GLIPR1L2: variants seen among roughly 807,000 people sequenced by gnomAD.
GLIPR1L2 encodes the protein GLIPR1-like protein 2.
GLIPR1L2 carries 21 observed loss-of-function variants against 28.4 expected under a neutral mutation model. The ratio of observed to expected loss-of-function variants is 0.74; its 90% CI spans 0.52 to 1.06. The LOEUF (loss-of-function observed/expected upper bound fraction) is 1.06, where lower values mean the gene tolerates loss of function less well. GLIPR1L2 is among the 50% of genes least tolerant of loss of function. GLIPR1L2 has a pLI of 0.00. For synonymous variants in GLIPR1L2, 145 were observed against 139.3 expected (o/e 1.04, Z -0.29); for missense variants, 476 against 416.9 (o/e 1.14, Z -1.23).
intron 4 of GLIPR1L2, among the ~76,000 whole-genome samples, chr12:75,427,914 A>C (rs982573592): frequency 1.3e-5 from 2 of 152,204 alleles, no homozygotes; most frequent in African/African-American, 4.8e-5. Context: ...TGAGTCAATT[A>C]AACCTCCTTT....
intron 4 of GLIPR1L2, among the ~76,000 whole-genome samples, chr12:75,429,039 G>A (rs1298429181): frequency 6.6e-6 from 1 of 152,210 alleles, no homozygotes; most frequent in Non-Finnish European, 1.5e-5. Flanking sequence ...TGTGGAGTGG[G>A]GGCCACCACA....
intron 1 of GLIPR1L2, among the ~76,000 whole-genome samples, chr12:75,398,838 G>A (rs2045710241): frequency 6.6e-6 from 1 of 151,998 alleles, no homozygotes; most frequent in African/African-American, 2.4e-5. Flanking sequence ...AGTTTGATAT[G>A]AATCATTCTA....
chr12:75,401,256 C>A, intron 1 of GLIPR1L2, among the ~76,000 whole-genome samples: 1 of 149,520 alleles, frequency 6.7e-6, no homozygotes. Context: ...AAATATATAC[C>A]TGAAATGATT....
At chr12:75,419,508 T>G (rs1268670667) in intron 3 of GLIPR1L2, among the ~76,000 whole-genome samples, 1 of 152,200 alleles carries the variant, frequency 6.6e-6, no homozygotes, top group Non-Finnish European at 1.5e-5. Flanking sequence ...AGGTACCAAC[T>G]TCTGAGAAAA....
intron 3 of GLIPR1L2, among the ~76,000 whole-genome samples, chr12:75,419,666 T>C (rs2045957551): frequency 6.6e-6 from 1 of 152,228 alleles, no homozygotes; most frequent in South Asian, 2.1e-4. Flanking sequence ...TTTAACTGTT[T>C]AACTGTTTTA....
At chr12:75,414,852 G>T (rs148869107) in intron 3 of GLIPR1L2, among the ~76,000 whole-genome samples, 8 of 151,970 alleles carry the variant, frequency 5.3e-5, no homozygotes, top group Non-Finnish European at 1.2e-4. Flanking sequence ...CTAACAAGAC[G>T]CAAAAAGACA....
In GLIPR1L2 at chr12:75,422,903, G is replaced by A; in HGVS notation, c.585-1G>A. The A allele has an allele frequency of 1.3e-6, 2 of 1,599,724 alleles. No individual in the cohort carries two copies. The highest frequency in any genetic ancestry group is 1.4e-5 in the African/African-American group (1 of 73,930). On this transcript the variant is annotated splice_acceptor_variant, in intron 3 of 5. Transcript: ENST00000550916. LOFTEE classifies it high-confidence loss of function. Reference sequence around the variant, plus strand: ...AATGTTTTCTGCTTTTTTGTTTGTAGAGGAACACTGACGAGAAGACCTTAT... The same window carrying A: ...AATGTTTTCTGCTTTTTTGTTTGTAAAGGAACACTGACGAGAAGACCTTAT...
chr12:75,398,605 C>G (rs2045707460), intron 1 of GLIPR1L2, among the ~76,000 whole-genome samples: 1 of 152,074 alleles, frequency 6.6e-6, no homozygotes, highest in African/African-American at 2.4e-5. Flanking sequence ...TAATTCTAAC[C>G]TGACATGGTA....
At chr12:75,421,968 A>G (rs1372105465) in intron 3 of GLIPR1L2, among the ~76,000 whole-genome samples, 9 of 141,268 alleles carry the variant, frequency 6.4e-5, no homozygotes, top group African/African-American at 2.6e-5. Flanking sequence ...ATTCTATATC[A>G]TTTATTTTTA....
At chr12:75,428,768 C>T (rs1313484180) in intron 4 of GLIPR1L2, among the ~76,000 whole-genome samples, 2 of 152,220 alleles carry the variant, frequency 1.3e-5, no homozygotes, top group African/African-American at 4.8e-5. Flanking sequence ...CCAGCCATTC[C>T]AGCTTAAGCT....
intron 1 of GLIPR1L2, among the ~76,000 whole-genome samples, chr12:75,391,916 G>C (rs141027127): frequency 6.6e-6 from 1 of 150,476 alleles, no homozygotes; most frequent in South Asian, 2.1e-4. Context: ...TGGCTCCTAA[G>C]GAAGTGTCTC....
In GLIPR1L2 at chr12:75,430,832, T is replaced by A. The variant is rs2046084288; in HGVS notation, c.706T>A (p.Phe236Ile). ...ADRDQATYYR[F>I]WYPKWEMPRP... ...TGCTTCTTTGTTTACAGATTACCGA[T>A]TTTGGTATCCAAAATGGGAAATGCC... Residue 236 changes from phenylalanine (F) to isoleucine (I), a missense_variant, in exon 6 of 6, where the codon TTT (phenylalanine) becomes ATT (isoleucine). Physicochemically the swap from Phe to Ile is conservative, Grantham distance 21 (BLOSUM62 0). Transcript: ENST00000550916. The A allele has an allele frequency of 6.5e-7, 1 of 1,533,148 alleles. No individual in the cohort carries two copies. The highest frequency in any genetic ancestry group is 8.7e-7 in the Non-Finnish European group (1 of 1,145,116). The allele number at this position is 1,533,148 out of a possible 1,614,324, so 95.0% of individuals were successfully genotyped here. A position where few individuals can be genotyped will look rare whatever the true frequency, so the allele number is the denominator to read the frequency against.
intron 4 of GLIPR1L2, chr12:75,423,544 G>T: frequency 2.8e-6 from 2 of 702,806 alleles, no homozygotes; most frequent in Non-Finnish European, 3.5e-6. Flanking sequence ...AGATAAATTT[G>T]GATAATAAGT....
intron 1 of GLIPR1L2, chr12:75,403,263 T>G: frequency 2.7e-6 from 1 of 372,930 alleles, no homozygotes; most frequent in South Asian, 2.0e-5. Flanking sequence ...CAGTTTTAGA[T>G]TTCTTTGTCT....
At chr12:75,413,531 T>C in intron 2 of GLIPR1L2, 67 bp from the exon 3 acceptor site, 1 of 852,014 alleles carries the variant, frequency 1.2e-6, no homozygotes, top group African/African-American at 1.8e-5. Context: ...GAATATATTA[T>C]TGTTTATAAT....
rs932704205 is a variant in GLIPR1L2 at position 75,431,837 on chromosome 12, G to A, written c.*676G>A. On this transcript the variant is annotated 3_prime_UTR_variant, in exon 6 of 6. Coordinates refer to ENST00000550916, the MANE Select transcript of GLIPR1L2 (RefSeq NM_001270396.2). ...AATTAGTTGTGGTAGAGGAATCTGG[G>A]TGCTTCCAAATTTATATGATAAAAT... 6.6e-6 allele frequency: 1 copy of A among 151,860 alleles called. No homozygotes were observed. The highest frequency in any genetic ancestry group is 2.4e-5 in the African/African-American group (1 of 41,390). 9.4% of individuals were successfully genotyped at this position (151,860 alleles called of 1,614,324 possible). A position where few individuals can be genotyped will look rare whatever the true frequency, so the allele number is the denominator to read the frequency against.
At chr12:75,402,312 A>G (rs565367748) in intron 1 of GLIPR1L2, among the ~76,000 whole-genome samples, 2 of 152,324 alleles carry the variant, frequency 1.3e-5, no homozygotes, top group East Asian at 3.9e-4. Flanking sequence ...CAATAAAGAT[A>G]ATTCTGAATA....
intron 1 of GLIPR1L2, among the ~76,000 whole-genome samples, chr12:75,409,155 A>G (rs905727423): frequency 2.0e-5 from 3 of 151,922 alleles, no homozygotes; most frequent in Admixed American, 1.3e-4. Context: ...GTCATCAGCT[A>G]TTCTTAGTGT....
At chr12:75,392,079 TC>T (rs1365510170) in intron 1 of GLIPR1L2, among the ~76,000 whole-genome samples, 4 of 152,158 alleles carry the variant, frequency 2.6e-5, no homozygotes, top group African/African-American at 9.7e-5. Flanking sequence ...TGACTGAAAA[TC>T]CGGCAAATAA....
Sources: allele counts gnomAD v4.1 joint callset (sites outside exome capture counted in the v4.1 genomes callset), GRCh38; gene constraint gnomAD v4.1.1; transcripts MANE v1.5; gene names NCBI Gene and HGNC (gene_info 2026-07-23, HGNC 2026-07-21).